ADGRL4: variants seen among roughly 807,000 people sequenced by gnomAD.
The protein encoded by ADGRL4 is EGF, latrophilin and seven transmembrane domain containing 1.
Under a neutral mutation model 74.8 loss-of-function variants are expected in ADGRL4, and 90 were observed. The observed-to-expected ratio is 1.20, with a 90% CI of 1.02 to 1.43. The LOEUF is 1.43. Among genes scored for constraint, ADGRL4 ranks in the 40% most tolerant of loss-of-function variants. The pLI, the probability that ADGRL4 is intolerant of heterozygous loss-of-function variation, is 0.00. For missense variants in ADGRL4, 881 were observed against 814.3 expected (o/e 1.08, Z -1.00); for synonymous variants, 311 against 279.2 (o/e 1.11, Z -1.14).
Position 79,006,693 on chromosome 1 carries a change from G to T in ADGRL4, c.-39C>A. On this transcript the variant is annotated 5_prime_UTR_variant, in exon 1 of 15. Transcript: ENST00000370742. ...AGTGGTGGCGGTGGCGGAGAGCGCG[G>T]CGGAGTGAGTGCGGCTGTGGACCCG... The T allele has an allele frequency of 2.1e-6, 3 of 1,462,570 alleles. No individual in the cohort carries two copies. The highest frequency in any genetic ancestry group is 2.7e-6 in the Non-Finnish European group (3 of 1,109,138). 90.6% of individuals were successfully genotyped at this position (1,462,570 alleles called of 1,614,324 possible). A position where few individuals can be genotyped will look rare whatever the true frequency, so the allele number is the denominator to read the frequency against.
intron 3 of ADGRL4, among the ~76,000 whole-genome samples, chr1:78,944,591 C>T (rs1275969086): frequency 6.6e-6 from 1 of 152,040 alleles, no homozygotes; most frequent in African/African-American, 2.4e-5. Flanking sequence ...ATATTTTATA[C>T]CCTTGCAAAG....
At chr1:78,951,310 G>A (rs767981239) in intron 2 of ADGRL4, among the ~76,000 whole-genome samples, 5 of 152,124 alleles carry the variant, frequency 3.3e-5, no homozygotes, top group Admixed American at 6.5e-5. Context: ...CCAGAGGATT[G>A]AGGGTAGGAT....
At chr1:78,948,268 A>T (rs573197915) in intron 2 of ADGRL4, among the ~76,000 whole-genome samples, 8 of 152,262 alleles carry the variant, frequency 5.3e-5, no homozygotes, top group East Asian at 3.9e-4. Context: ...AACAACTTTG[A>T]GATATGAAAG....
Position 78,939,209 on chromosome 1 carries a change from A to G in ADGRL4, c.375T>C (p.Asn125=). Residue 125 remains asparagine (N), a synonymous_variant, in exon 4 of 15, where the codon AAT becomes AAC. Transcript: ENST00000370742. ...CHLDNVCIAA[N]INKTLTKIRS... is the part of the protein sequence containing the mutation. ...TTACTTTTGTTAAAGTTTTATTAAT[A>G]TTTGCAGCTATACAGACATTATCTA... 6.4e-7 allele frequency: 1 copy of G among 1,563,410 alleles called. No homozygotes were observed. The highest frequency in any genetic ancestry group is 1.2e-5 in the South Asian group (1 of 83,006).
At chr1:78,928,968 C>G (rs1035970688) in intron 7 of ADGRL4, among the ~76,000 whole-genome samples, 2 of 151,524 alleles carry the variant, frequency 1.3e-5, no homozygotes, top group African/African-American at 4.9e-5. Context: ...TCATTGCTCT[C>G]AAACTGCTTT....
chr1:78,971,224 T>C (rs989508658), intron 2 of ADGRL4, among the ~76,000 whole-genome samples: 2 of 152,130 alleles, frequency 1.3e-5, no homozygotes, highest in Non-Finnish European at 1.5e-5. Flanking sequence ...GCAGTTAAGA[T>C]AGGTCTTTGA....
intron 2 of ADGRL4, among the ~76,000 whole-genome samples, chr1:78,981,764 ATC>A (rs752525017): frequency 5.3e-5 from 8 of 151,888 alleles, no homozygotes; most frequent in Non-Finnish European, 7.4e-5. Context: ...ATTAAAATAT[ATC>A]TGTCTTGTGT....
intron 2 of ADGRL4, among the ~76,000 whole-genome samples, chr1:78,964,508 G>T (rs1347030131): frequency 6.6e-6 from 1 of 152,102 alleles, no homozygotes; most frequent in Admixed American, 6.6e-5. Context: ...CTTAGATTAG[G>T]TTGCGTTCCT....
At chr1:78,952,108 C>CTTT (rs572978181) in intron 2 of ADGRL4, among the ~76,000 whole-genome samples, 1 of 151,688 alleles carries the variant, frequency 6.6e-6, no homozygotes. Flanking sequence ...AAAGAATCGT[C>CTTT]TTTTTTTTAT....
At chr1:78,912,773 A>T (rs1322827030) in intron 12 of ADGRL4, among the ~76,000 whole-genome samples, 1 of 151,784 alleles carries the variant, frequency 6.6e-6, no homozygotes, top group African/African-American at 2.4e-5. Flanking sequence ...CCTACACTTT[A>T]AAAAAAATTG....
chr1:78,930,197 TTTG>T (rs1649208243), intron 7 of ADGRL4, among the ~76,000 whole-genome samples: 2 of 151,262 alleles, frequency 1.3e-5, no homozygotes, highest in African/African-American at 4.9e-5. Context: ...ATTTTACTAT[TTTG>T]TTGTTGTTCT....
intron 12 of ADGRL4, among the ~76,000 whole-genome samples, chr1:78,903,608 T>C (rs1440323073): frequency 1.3e-5 from 2 of 152,110 alleles, no homozygotes; most frequent in Non-Finnish European, 2.9e-5. Context: ...TCTAGTAATG[T>C]TTTCTACTTA....
At chr1:78,904,450 A>C (rs1417545659) in intron 12 of ADGRL4, among the ~76,000 whole-genome samples, 1 of 152,010 alleles carries the variant, frequency 6.6e-6, no homozygotes, top group Non-Finnish European at 1.5e-5. Context: ...TTTAATATAT[A>C]TTTTAAAGTA....
chr1:78,913,719 G>T (rs977203631), intron 12 of ADGRL4, among the ~76,000 whole-genome samples: 5 of 151,678 alleles, frequency 3.3e-5, no homozygotes, highest in Non-Finnish European at 7.4e-5. Flanking sequence ...CAACAAATCC[G>T]CATGACGCAA....
intron 2 of ADGRL4, among the ~76,000 whole-genome samples, chr1:78,979,602 T>C (rs1042803174): frequency 2.6e-5 from 4 of 151,568 alleles, no homozygotes; most frequent in Non-Finnish European, 4.4e-5. Flanking sequence ...CGCACACACA[T>C]GTTTATCACA....
In ADGRL4 at chr1:78,938,129, T is replaced by C. The variant is rs1227730911; in HGVS notation, c.547A>G (p.Lys183Glu). Residue 183 changes from lysine (K) to glutamate (E), a missense_variant, in exon 5 of 15, where the codon AAG becomes GAG. Transcript: ENST00000370742. ...LGYKNNTISA[K>E]DTLSNSTLTE... ...AGAGTTGAGTTAGAAAGGGTGTCCTTGGCTGAGATAGTGTTGTTCTTGTAA... is the reference window on the plus strand; with the variant it reads ...AGAGTTGAGTTAGAAAGGGTGTCCTCGGCTGAGATAGTGTTGTTCTTGTAA... 6.2e-7 allele frequency: 1 copy of C among 1,613,052 alleles called. No homozygotes were observed. The highest frequency in any genetic ancestry group is 1.7e-5 in the Admixed American group (1 of 59,852).
chr1:78,971,145 C>T (rs183032909), intron 2 of ADGRL4, among the ~76,000 whole-genome samples: 1 of 152,132 alleles, frequency 6.6e-6, no homozygotes. Context: ...TGCTGGGAAC[C>T]CTTAGATAGG....
intron 2 of ADGRL4, among the ~76,000 whole-genome samples, chr1:79,003,251 T>C (rs1650878978): frequency 6.6e-6 from 1 of 152,022 alleles, no homozygotes. Flanking sequence ...GCATATTAAC[T>C]ATCCTGACTA....
chr1:78,967,829 C>T (rs1481635922), intron 2 of ADGRL4, among the ~76,000 whole-genome samples: 1 of 144,602 alleles, frequency 6.9e-6, no homozygotes, highest in Non-Finnish European at 1.5e-5. Context: ...ATCATTTTGC[C>T]AAAAAAAAAA....
Sources: allele counts gnomAD v4.1 joint callset (sites outside exome capture counted in the v4.1 genomes callset), GRCh38; gene constraint gnomAD v4.1.1; transcripts MANE v1.5; gene names NCBI Gene and HGNC (gene_info 2026-07-23, HGNC 2026-07-21).